USP6NL: variants seen among roughly 807,000 people sequenced by gnomAD.
USP6NL encodes USP6 N-terminal like, also known as USP6 N-terminal-like protein.
USP6NL carries 26 observed loss-of-function variants against 61.9 expected under a neutral mutation model. That is an observed-to-expected ratio of 0.42 (90% CI 0.31 to 0.58). The LOEUF is 0.58. Ranked by LOEUF, USP6NL falls within the 20% of genes least tolerant of loss-of-function variation. USP6NL has a pLI of 0.16. For synonymous variants in USP6NL, 432 were observed against 390.1 expected (o/e 1.11, Z -1.27); for missense variants, 1,114 against 1,034.3 (o/e 1.08, Z -1.06).
At chr10:11,583,503 A>G (rs1316362572) in intron 2 of USP6NL, among the ~76,000 whole-genome samples, 1 of 151,674 alleles carries the variant, frequency 6.6e-6, no homozygotes, top group Non-Finnish European at 1.5e-5. Flanking sequence ...TACATTTTCA[A>G]TTTTTTAAGG....
intron 14 of USP6NL, among the ~76,000 whole-genome samples, chr10:11,467,272 A>G (rs898848857): frequency 5.3e-5 from 8 of 152,222 alleles, no homozygotes; most frequent in African/African-American, 1.9e-4. Flanking sequence ...ATGAACAGGA[A>G]ACTCAAAGAA....
chr10:11,531,037 G>A (rs1015153779), intron 2 of USP6NL, among the ~76,000 whole-genome samples: 1 of 152,134 alleles, frequency 6.6e-6, no homozygotes, highest in African/African-American at 2.4e-5. Context: ...TATAAACAAC[G>A]GCAGCTGTGT....
chr10:11,516,738 G>A (rs779448390), intron 5 of USP6NL, among the ~76,000 whole-genome samples: 37 of 152,034 alleles, frequency 2.4e-4, no homozygotes, highest in Non-Finnish European at 4.3e-4. Context: ...AAATTACTAA[G>A]GTACGCATAG....
chr10:11,468,002 T>C lies in USP6NL; in HGVS notation c.1079-4153A>G, dbSNP rs1379826915. On this transcript the variant is annotated intron_variant, in intron 14 of 14. Transcript: ENST00000609104. The surrounding 1 kb of genome is among the most constrained non-coding windows in gnomAD (Gnocchi z 4.5). The stretch of plus-strand genomic sequence containing the variant: ...TTGCCAGACACTTTACTTTTGTTGA[T>C]GGCATTCTTCCAATTCATTAAATGA... Among the ~76,000 whole-genome samples, 1 of 152,252 alleles carries C rather than the reference T, an allele frequency of 6.6e-6. No individual in the cohort carries two copies. Among genetic ancestry groups the C allele is most frequent in the African/African-American group, 2.4e-5 (1 of 41,466 alleles).
intron 7 of USP6NL, among the ~76,000 whole-genome samples, chr10:11,498,128 T>TA (rs1288782978): frequency 2.0e-5 from 3 of 147,056 alleles, no homozygotes; most frequent in Non-Finnish European, 4.4e-5. Flanking sequence ...TCCCAGCTAC[T>TA]CGGTAGGCTG....
chr10:11,553,950 A>G lies in USP6NL; in HGVS notation c.5-26383T>C, dbSNP rs1004581192. Reference sequence around the variant, plus strand: ...GATGTTTATGTCTCTCCTGATGTCTAAGAAATCTAGATATAAGTCATCCAG... The same window carrying G: ...GATGTTTATGTCTCTCCTGATGTCTGAGAAATCTAGATATAAGTCATCCAG... On this transcript the variant is annotated intron_variant, in intron 2 of 14. Coordinates refer to ENST00000609104, the MANE Select transcript of USP6NL (RefSeq NM_014688.5). This position sits in a 1 kb window ranked among gnomAD's most constrained non-coding sequence, Gnocchi z 4.8. 6.6e-5 allele frequency among the ~76,000 whole-genome samples: 10 copies of G among 151,902 alleles called. No homozygotes were observed. Among genetic ancestry groups the G allele is most frequent in the African/African-American group, 2.4e-4 (10 of 41,370 alleles).
rs1366379697 is a variant in USP6NL, at chr10:11,485,109, C to A, written c.826-39G>T. 7 of 1,538,380 alleles carry A rather than the reference C, an allele frequency of 4.6e-6. No homozygotes were observed. Among genetic ancestry groups the A allele is most frequent in the Non-Finnish European group, 6.1e-6 (7 of 1,141,540 alleles). On this transcript the variant is annotated intron_variant, in intron 12 of 14. Coordinates refer to ENST00000609104, the MANE Select transcript of USP6NL (RefSeq NM_014688.5). The surrounding 1 kb of genome is among the most constrained non-coding windows in gnomAD (Gnocchi z 4.8). ...CAAAACAAAACAAAAATAGGGTTAA[C>A]AGCTTCCCCTCACCTTGTATTTATA...
rs1366184721 is a variant in USP6NL, at chr10:11,549,071, A to G, written c.5-21504T>C. On this transcript the variant is annotated intron_variant, in intron 2 of 14. Coordinates refer to ENST00000609104, the MANE Select transcript of USP6NL (RefSeq NM_014688.5). The stretch of plus-strand genomic sequence containing the variant: ...AGTCTAGTCTTCTGGTACCTTTTCC[A>G]TATTTTACTACCCTTAAAAGACTAT... Among the ~76,000 whole-genome samples the G allele has an allele frequency of 3.9e-5, 6 of 152,258 alleles. No individual in the cohort carries two copies. The East Asian group carries it at 1.2e-3, about 29-fold the overall frequency.
intron 2 of USP6NL, among the ~76,000 whole-genome samples, chr10:11,533,850 G>A (rs2133428244): frequency 6.6e-6 from 1 of 152,254 alleles, no homozygotes; most frequent in Middle Eastern, 3.4e-3. Context: ...GAATTTGAGA[G>A]TATACTACAG....
At chr10:11,539,926 T>A (rs1470008359) in intron 2 of USP6NL, among the ~76,000 whole-genome samples, 5 of 152,216 alleles carry the variant, frequency 3.3e-5, no homozygotes, top group Admixed American at 3.3e-4. Context: ...GGCGTGGAAA[T>A]GTTAAGTAAT....
chr10:11,572,350 T>C (rs1488225949), intron 2 of USP6NL, among the ~76,000 whole-genome samples: 1 of 152,066 alleles, frequency 6.6e-6, no homozygotes, highest in Non-Finnish European at 1.5e-5. Context: ...AGAAATAAAG[T>C]AGAAAGCAGG....
In USP6NL at chr10:11,465,609, C is replaced by T. The variant is rs1832416749; in HGVS notation, c.1079-1760G>A. ...TCCAGCTGGTCTGCTGCTGCTGCTG[C>T]TGCTACTGCTGCTGTGCCTGTACGT... is the stretch of plus-strand genomic sequence containing the variant. On this transcript the variant is annotated intron_variant, in intron 14 of 14. Transcript: ENST00000609104. The surrounding 1 kb of genome is among the most constrained non-coding windows in gnomAD (Gnocchi z 4.5). Among the ~76,000 whole-genome samples, 1 of 152,224 alleles carries T rather than the reference C, an allele frequency of 6.6e-6. No individual in the cohort carries two copies. The highest frequency in any genetic ancestry group is 2.1e-4 in the South Asian group (1 of 4,834).
intron 4 of USP6NL, among the ~76,000 whole-genome samples, chr10:11,524,925 T>G (rs751862001): frequency 6.6e-6 from 1 of 152,176 alleles, no homozygotes; most frequent in Admixed American, 6.5e-5. Context: ...ATATTCAGGA[T>G]GAATGGAATT....
chr10:11,599,330 T>C (rs1241017243), intron 1 of USP6NL, among the ~76,000 whole-genome samples: 3 of 152,236 alleles, frequency 2.0e-5, no homozygotes, highest in Non-Finnish European at 4.4e-5. Flanking sequence ...TTTATGTTTA[T>C]ACAAAATTTT....
chr10:11,565,909 C>T (rs556244930), intron 2 of USP6NL, among the ~76,000 whole-genome samples: 92 of 145,080 alleles, frequency 6.3e-4, no homozygotes, highest in African/African-American at 2.4e-3. Context: ...ATACTGATTG[C>T]AATTCAAATA....
intron 2 of USP6NL, among the ~76,000 whole-genome samples, chr10:11,578,997 C>A (rs1019242095): frequency 5.9e-5 from 9 of 152,146 alleles, no homozygotes; most frequent in Non-Finnish European, 1.0e-4. Flanking sequence ...TTCCCCCTCC[C>A]ACACTCCCCA....
chr10:11,481,729 T>C lies in USP6NL; in HGVS notation c.1078+41A>G, dbSNP rs769704007. 8 of 1,552,464 alleles carry C rather than the reference T, an allele frequency of 5.2e-6. No individual in the cohort carries two copies. The South Asian group carries it at 8.9e-5, about 17-fold the overall frequency. ...GTTAATTATGCCATGTCTTCCAATC[T>C]TAATTATAACGTAGATATAAAGTAT... On this transcript the variant is annotated intron_variant, in intron 14 of 14. Coordinates refer to ENST00000609104, the MANE Select transcript of USP6NL (RefSeq NM_014688.5). The surrounding 1 kb of genome is among the most constrained non-coding windows in gnomAD (Gnocchi z 4.4).
At chr10:11,586,396 A>C (rs1467262711) in intron 2 of USP6NL, among the ~76,000 whole-genome samples, 2 of 140,150 alleles carry the variant, frequency 1.4e-5, no homozygotes, top group African/African-American at 2.6e-5. Context: ...TTAAATGACC[A>C]AAAAAAAAAA....
chr10:11,511,861 G>C lies in USP6NL; in HGVS notation c.196-2186C>G, dbSNP rs1431483236. Among the ~76,000 whole-genome samples the C allele has an allele frequency of 6.6e-6, 1 of 151,578 alleles. No individual in the cohort carries two copies. The highest frequency in any genetic ancestry group is 2.4e-5 in the African/African-American group (1 of 41,260). ...CACACACACACACACCCCTTGGGAA[G>C]CTATAGGATCCGAAAATTATGTATC... On this transcript the variant is annotated intron_variant, in intron 5 of 14. Coordinates refer to ENST00000609104, the MANE Select transcript of USP6NL (RefSeq NM_014688.5). This position sits in a 1 kb window ranked among gnomAD's most constrained non-coding sequence, Gnocchi z 4.9.
Sources: gnomAD v4.1 joint callset for allele counts (sites outside exome capture counted in the v4.1 genomes callset) on GRCh38, gnomAD v4.1.1 for gene constraint, Gnocchi (gnomAD v3.1) non-coding constraint, MANE v1.5 for transcripts, NCBI Gene and HGNC (gene_info 2026-07-23, HGNC 2026-07-21) for gene names.